Variants in PREP observed in about 807,000 individuals in gnomAD.
PREP encodes prolyl endopeptidase.
Under a neutral mutation model 87.6 loss-of-function variants are expected in PREP, and 29 were observed. That is an observed-to-expected ratio of 0.33 (90% CI 0.25 to 0.45). The LOEUF is 0.45. PREP is among the 20% of genes least tolerant of loss of function. The pLI, the probability that PREP is intolerant of heterozygous loss-of-function variation, is 1.00. For missense variants in PREP, 695 were observed against 886.5 expected (o/e 0.78, Z 2.74); for synonymous variants, 337 against 328.6 (o/e 1.03, Z -0.28).
At chr6:105,344,376 C>T (rs1771743024) in intron 7 of PREP, among the ~76,000 whole-genome samples, 1 of 151,834 alleles carries the variant, frequency 6.6e-6, no homozygotes, top group Non-Finnish European at 1.5e-5. Flanking sequence ...CCTGTAGTCC[C>T]AGCTACTCAG....
intron 6 of PREP, among the ~76,000 whole-genome samples, chr6:105,367,450 G>C (rs560960132): frequency 1.3e-5 from 2 of 152,248 alleles, no homozygotes; most frequent in Admixed American, 1.3e-4. Flanking sequence ...GAAGCGGGCG[G>C]ATCACGAGGT....
intron 2 of PREP, among the ~76,000 whole-genome samples, chr6:105,395,022 T>C (rs896815021): frequency 3.9e-5 from 6 of 152,200 alleles, no homozygotes; most frequent in African/African-American, 1.2e-4. Context: ...AGGCATAATA[T>C]AGTGCATCTG....
chr6:105,352,824 G>A, intron 7 of PREP, 148 bp downstream of exon 7: 2 of 669,010 alleles, frequency 3.0e-6, no homozygotes, highest in Non-Finnish European at 5.1e-6. Context: ...TCATTTTATG[G>A]AATAGTACTA....
chr6:105,314,974 A>C (rs1770830699), intron 10 of PREP, among the ~76,000 whole-genome samples: 1 of 152,190 alleles, frequency 6.6e-6, no homozygotes, highest in Admixed American at 6.5e-5. Context: ...GTACAGCTCC[A>C]TCAGAGCTCT....
intron 10 of PREP, among the ~76,000 whole-genome samples, chr6:105,297,107 T>G (rs773449333): frequency 4.6e-5 from 7 of 152,230 alleles, no homozygotes; most frequent in Non-Finnish European, 1.0e-4. Context: ...GCCTCTTGCT[T>G]GGGCTAATAG....
intron 14 of PREP, chr6:105,281,131 T>C (rs1447246965): frequency 3.9e-5 from 6 of 152,306 alleles, no homozygotes; most frequent in Non-Finnish European, 2.9e-5. Context: ...AGGTGTTGGC[T>C]GGTTGGACTC....
chr6:105,326,685 G>T (rs1302140917), intron 9 of PREP, among the ~76,000 whole-genome samples: 1 of 152,184 alleles, frequency 6.6e-6, no homozygotes, highest in East Asian at 1.9e-4. Flanking sequence ...GCTTTCATGA[G>T]ATCTAATCTA....
chr6:105,325,861 C>G (rs1771140974), intron 9 of PREP, among the ~76,000 whole-genome samples: 1 of 152,166 alleles, frequency 6.6e-6, no homozygotes, highest in African/African-American at 2.4e-5. Context: ...AAAAAGAGAA[C>G]TGAACTGTGG....
chr6:105,329,077 A>G, intron 8 of PREP, 51 bp from the exon 9 acceptor site: 1 of 1,503,618 alleles, frequency 6.7e-7, no homozygotes, highest in African/African-American at 1.4e-5. Context: ...AAATTAATGA[A>G]AACACATTTA....
chr6:105,344,084 C>T (rs529505713), intron 7 of PREP, among the ~76,000 whole-genome samples: 20 of 152,280 alleles, frequency 1.3e-4, no homozygotes, highest in South Asian at 1.0e-3. Context: ...ATGTTTATTG[C>T]GGCACTATTC....
chr6:105,279,439 T>C (rs755172060), intron 14 of PREP, among the ~76,000 whole-genome samples: 3 of 152,192 alleles, frequency 2.0e-5, no homozygotes, highest in Non-Finnish European at 2.9e-5. Context: ...AAGAAACAAG[T>C]TTGGAAAACC....
At chr6:105,304,559 C>T (rs1770613967) in intron 10 of PREP, among the ~76,000 whole-genome samples, 4 of 152,276 alleles carry the variant, frequency 2.6e-5, no homozygotes, top group African/African-American at 9.6e-5. Flanking sequence ...CTCCTGAACT[C>T]ACCATGGCAC....
chr6:105,331,596 G>T (rs929693500), intron 8 of PREP, among the ~76,000 whole-genome samples: 1 of 152,186 alleles, frequency 6.6e-6, no homozygotes, highest in Non-Finnish European at 1.5e-5. Context: ...ACAGAGTGCT[G>T]TACCTGGCAT....
chr6:105,274,864 A>G lies in PREP; in HGVS notation c.*3280T>C, dbSNP rs1224980715. Among the ~76,000 whole-genome samples, 1 of 152,138 alleles carries G rather than the reference A, an allele frequency of 6.6e-6. No homozygotes were observed. Among genetic ancestry groups the G allele is most frequent in the African/African-American group, 2.4e-5 (1 of 41,420 alleles). ...GAACTTGGACCTTTGCCAAATGGGG[A>G]AAAGGTATTATGTGCTTCCTAAGGT... On this transcript the variant is annotated 3_prime_UTR_variant, in exon 15 of 15. Coordinates refer to ENST00000652536, the MANE Select transcript of PREP (RefSeq NM_002726.5).
intron 6 of PREP, among the ~76,000 whole-genome samples, chr6:105,363,415 T>A (rs1432544659): frequency 6.6e-6 from 1 of 152,148 alleles, no homozygotes; most frequent in East Asian, 1.9e-4. Flanking sequence ...TTTGGTCCAA[T>A]AGAACCTGAC....
intron 10 of PREP, among the ~76,000 whole-genome samples, chr6:105,295,967 T>C (rs573757277): frequency 6.6e-6 from 1 of 152,344 alleles, no homozygotes; most frequent in Non-Finnish European, 1.5e-5. Context: ...ATAAATCTGG[T>C]ATTCTCGTGG....
At chr6:105,313,918 GCC>G (rs1280222414) in intron 10 of PREP, among the ~76,000 whole-genome samples, 1 of 152,160 alleles carries the variant, frequency 6.6e-6, no homozygotes, top group Non-Finnish European at 1.5e-5. Context: ...GGTTCAAGCT[GCC>G]ACATGGTGAC....
chr6:105,296,026 G>C (rs1770402342), intron 10 of PREP, among the ~76,000 whole-genome samples: 1 of 152,194 alleles, frequency 6.6e-6, no homozygotes, highest in Non-Finnish European at 1.5e-5. Flanking sequence ...CTAAATCGAA[G>C]TATACGTGCA....
At chr6:105,290,798 G>A (rs867417838) in intron 10 of PREP, among the ~76,000 whole-genome samples, 1 of 152,180 alleles carries the variant, frequency 6.6e-6, no homozygotes, top group African/African-American at 2.4e-5. Context: ...ATATATCCAA[G>A]CTTTAAGTTG....
Sources: allele counts gnomAD v4.1 joint callset (sites outside exome capture counted in the v4.1 genomes callset), GRCh38; gene constraint gnomAD v4.1.1; transcripts MANE v1.5; gene names NCBI Gene and HGNC (gene_info 2026-07-23, HGNC 2026-07-21).